Variants in CDH9 observed in about 807,000 individuals in gnomAD.
The protein encoded by CDH9 is cadherin-9.
A neutral mutation model predicts 70.9 loss-of-function variants in CDH9; 28 were observed. The ratio of observed to expected loss-of-function variants is 0.40; its 90% CI spans 0.29 to 0.54. The LOEUF (loss-of-function observed/expected upper bound fraction) is 0.54, where lower values mean the gene tolerates loss of function less well. CDH9 is among the 20% of genes least tolerant of loss of function. The pLI is 0.59. For missense variants in CDH9, 874 were observed against 984.4 expected (o/e 0.89, Z 1.50); for synonymous variants, 409 against 343.1 (o/e 1.19, Z -2.12).
chr5:27,009,779 T>A (rs1473655682), intron 1 of CDH9, among the ~76,000 whole-genome samples: 1 of 152,112 alleles, frequency 6.6e-6, no homozygotes, highest in Non-Finnish European at 1.5e-5. Context: ...AAATGCCTTA[T>A]CTATTTGACT....
rs539690449 is a variant in CDH9, at chr5:26,915,377, T to C, written c.523+253A>G. Among the ~76,000 whole-genome samples the C allele has an allele frequency of 9.2e-5, 14 of 152,124 alleles. No homozygotes were observed. In the East Asian group the frequency reaches 2.7e-3, roughly 29 times the overall value. On this transcript the variant is annotated intron_variant, in intron 3 of 11. Transcript: ENST00000231021. ...TGACTGCCATTTGAATGCCAGTTAG[T>C]AGAGTTGAGGGTATTGATTGAAATA...
chr5:26,905,044 A>G (rs1277468347), intron 5 of CDH9, among the ~76,000 whole-genome samples: 3 of 152,122 alleles, frequency 2.0e-5, no homozygotes, highest in Non-Finnish European at 4.4e-5. Flanking sequence ...TTTTACATAT[A>G]ACATATGAAT....
chr5:26,918,475 A>G (rs565756103), intron 2 of CDH9, among the ~76,000 whole-genome samples: 2 of 152,346 alleles, frequency 1.3e-5, no homozygotes, highest in South Asian at 4.1e-4. Context: ...CACTTAACAT[A>G]TATTTCTTGA....
At position 26,905,954 on chromosome 5, in the gene CDH9, C is replaced by A; in HGVS notation, c.811+5G>T. 1 of 1,611,258 alleles carries A rather than the reference C, an allele frequency of 6.2e-7. No individual in the cohort carries two copies. The highest frequency in any genetic ancestry group is 8.5e-7 in the Non-Finnish European group (1 of 1,177,940). Reference sequence around the variant, plus strand: ...TGGACATGAGATCACTGAAACATTTCTTACTCTGGGGAAATCGAGGAGGGT... The same window carrying A: ...TGGACATGAGATCACTGAAACATTTATTACTCTGGGGAAATCGAGGAGGGT... On this transcript the variant is annotated splice_donor_5th_base_variant and intron_variant, in intron 5 of 11. Coordinates refer to ENST00000231021, the MANE Select transcript of CDH9 (RefSeq NM_016279.4).
chr5:26,921,990 T>A (rs1325852203), intron 2 of CDH9, among the ~76,000 whole-genome samples: 1 of 149,806 alleles, frequency 6.7e-6, no homozygotes, highest in Non-Finnish European at 1.5e-5. Flanking sequence ...AACAATTAGC[T>A]TGAAGACAGG....
At chr5:26,984,233 TG>T (rs1475344431) in intron 2 of CDH9, among the ~76,000 whole-genome samples, 3 of 152,162 alleles carry the variant, frequency 2.0e-5, no homozygotes, top group African/African-American at 7.2e-5. Flanking sequence ...TATTTAATAG[TG>T]GCTACCTATA....
At chr5:26,999,346 A>T (rs1038600602) in intron 1 of CDH9, among the ~76,000 whole-genome samples, 6 of 152,204 alleles carry the variant, frequency 3.9e-5, no homozygotes, top group African/African-American at 1.4e-4. Flanking sequence ...ACTTCTCTTC[A>T]TATAAGGATA....
At chr5:27,009,809 A>G (rs1477266260) in intron 1 of CDH9, among the ~76,000 whole-genome samples, 3 of 152,074 alleles carry the variant, frequency 2.0e-5, no homozygotes, top group African/African-American at 7.2e-5. Context: ...TTCATGTGTC[A>G]AGAGATATGC....
chr5:26,918,103 T>C (rs757978375), intron 2 of CDH9, among the ~76,000 whole-genome samples: 1 of 152,210 alleles, frequency 6.6e-6, no homozygotes. Flanking sequence ...GAGGCATCTC[T>C]GCCTCTTTTC....
intron 3 of CDH9, among the ~76,000 whole-genome samples, chr5:26,908,578 A>G (rs2111995184): frequency 6.6e-6 from 1 of 152,288 alleles, no homozygotes; most frequent in Admixed American, 6.5e-5. Flanking sequence ...GGTAAAAACA[A>G]TCTTTTATGT....
At chr5:27,016,862 C>T (rs566331991) in intron 1 of CDH9, among the ~76,000 whole-genome samples, 2 of 151,904 alleles carry the variant, frequency 1.3e-5, no homozygotes, top group Non-Finnish European at 2.9e-5. Context: ...TTTATTCATT[C>T]AATATTAAAT....
At chr5:26,942,812 CAA>C (rs1454839589) in intron 2 of CDH9, among the ~76,000 whole-genome samples, 1 of 152,052 alleles carries the variant, frequency 6.6e-6, no homozygotes, top group Non-Finnish European at 1.5e-5. Context: ...GAAACTTTTG[CAA>C]AGTTACTCTA....
chr5:26,942,347 T>A (rs1281066504), intron 2 of CDH9, among the ~76,000 whole-genome samples: 1 of 152,062 alleles, frequency 6.6e-6, no homozygotes, highest in African/African-American at 2.4e-5. Flanking sequence ...CAATTCAAGA[T>A]GAGATTTGGG....
chr5:26,942,061 T>C (rs1741671272), intron 2 of CDH9, among the ~76,000 whole-genome samples: 1 of 152,128 alleles, frequency 6.6e-6, no homozygotes, highest in Non-Finnish European at 1.5e-5. Flanking sequence ...GATTGGGCAA[T>C]TTATTAAGGA....
At chr5:26,996,662 AT>A (rs1435611023) in intron 1 of CDH9, among the ~76,000 whole-genome samples, 1 of 151,844 alleles carries the variant, frequency 6.6e-6, no homozygotes, top group African/African-American at 2.4e-5. Flanking sequence ...CATTTATTAT[AT>A]AACCATATAT....
At chr5:26,984,556 A>G (rs1742458164) in intron 2 of CDH9, among the ~76,000 whole-genome samples, 1 of 152,182 alleles carries the variant, frequency 6.6e-6, no homozygotes, top group Non-Finnish European at 1.5e-5. Flanking sequence ...CATGATAAGC[A>G]GGGATTATTC....
chr5:26,963,911 A>G (rs1462719710), intron 2 of CDH9, among the ~76,000 whole-genome samples: 1 of 152,138 alleles, frequency 6.6e-6, no homozygotes, highest in African/African-American at 2.4e-5. Flanking sequence ...TCACAAGACT[A>G]CTATGATCTT....
In CDH9 at chr5:26,898,405, G is replaced by A. The variant is rs544904220; in HGVS notation, c.1253+4071C>T. ...AAAAGAACAAAGCTGGAGGCATCACGCCACCTGACTTCAAACTACACTGCA... is the reference window on the plus strand; with the variant it reads ...AAAAGAACAAAGCTGGAGGCATCACACCACCTGACTTCAAACTACACTGCA... On this transcript the variant is annotated intron_variant, in intron 7 of 11. Transcript: ENST00000231021. Among the ~76,000 whole-genome samples, 8 of 152,136 alleles carry A rather than the reference G, an allele frequency of 5.3e-5. No homozygotes were observed. The South Asian group carries it at 1.7e-3, about 32-fold the overall frequency.
At chr5:26,936,666 G>A (rs1245243073) in intron 2 of CDH9, among the ~76,000 whole-genome samples, 1 of 152,012 alleles carries the variant, frequency 6.6e-6, no homozygotes, top group Non-Finnish European at 1.5e-5. Context: ...CAGTAATCAA[G>A]ACAGTGTGGT....
Sources: gnomAD v4.1 joint callset for allele counts (sites outside exome capture counted in the v4.1 genomes callset) on GRCh38, gnomAD v4.1.1 for gene constraint, MANE v1.5 for transcripts, NCBI Gene and HGNC (gene_info 2026-07-23, HGNC 2026-07-21) for gene names.